Variants in PDE8B observed in about 807,000 individuals in gnomAD.
PDE8B encodes the protein phosphodiesterase 8B, also known as high affinity cAMP-specific and IBMX-insensitive 3',5'-cyclic phosphodiesterase 8B.
Under a neutral mutation model 101.3 loss-of-function variants are expected in PDE8B, and 26 were observed. The ratio of observed to expected loss-of-function variants is 0.26; its 90% CI spans 0.19 to 0.36. The LOEUF (loss-of-function observed/expected upper bound fraction) is 0.36. PDE8B is among the 10% of genes least tolerant of loss of function. The pLI is 1.00. For synonymous variants in PDE8B, 424 were observed against 429.3 expected (o/e 0.99, Z 0.15); for missense variants, 810 against 1,163.1 (o/e 0.70, Z 4.42).
chr5:77,118,458 T>C, the PDE8B span: 1 of 398,268 alleles, frequency 2.5e-6, no homozygotes, highest in Non-Finnish European at 4.4e-6. Flanking sequence ...GTACTCTGGG[T>C]GAGGAGGGAA....
intron 7 of PDE8B, among the ~76,000 whole-genome samples, chr5:77,348,464 C>T (rs559775662): frequency 9.2e-5 from 14 of 152,064 alleles, no homozygotes; most frequent in Non-Finnish European, 1.5e-4. Flanking sequence ...CAGAATCTGC[C>T]GAGGGGAGCT....
chr5:77,307,069 T>A (rs1173390769), intron 1 of PDE8B, among the ~76,000 whole-genome samples: 1 of 152,200 alleles, frequency 6.6e-6, no homozygotes, highest in African/African-American at 2.4e-5. Context: ...ATGTGATTGG[T>A]GCTTAGAGAT....
At chr5:77,198,776 A>T in the PDE8B span, among the ~76,000 whole-genome samples, 2 of 152,156 alleles carry the variant, frequency 1.3e-5, no homozygotes, top group Non-Finnish European at 2.9e-5. Flanking sequence ...TTTATTCATG[A>T]TCCTATCCAA....
intron 1 of PDE8B, among the ~76,000 whole-genome samples, chr5:77,292,469 TCAGA>T (rs1767579410): frequency 6.6e-6 from 1 of 152,180 alleles, no homozygotes; most frequent in East Asian, 1.9e-4. Context: ...CCAGAGTCAC[TCAGA>T]CAGTGTTCCT....
At chr5:77,223,500 A>G (rs1044180770) in intron 1 of PDE8B, among the ~76,000 whole-genome samples, 2 of 151,208 alleles carry the variant, frequency 1.3e-5, no homozygotes, top group Non-Finnish European at 2.9e-5. Context: ...CATAATGACC[A>G]CACAAGTAGC....
chr5:77,152,402 G>A, the PDE8B span, among the ~76,000 whole-genome samples: 2 of 152,190 alleles, frequency 1.3e-5, no homozygotes, highest in East Asian at 1.9e-4. Flanking sequence ...AGTGGGGTGC[G>A]CTGATTCTAT....
At chr5:77,418,030 C>G (rs946735636) in intron 17 of PDE8B, among the ~76,000 whole-genome samples, 199 bp from the exon 18 acceptor site, 1 of 152,144 alleles carries the variant, frequency 6.6e-6, no homozygotes, top group African/African-American at 2.4e-5. Context: ...CTCAGGTTGC[C>G]CTCCAGATAA....
chr5:77,363,637 A>AG (rs1025143464), intron 10 of PDE8B, among the ~76,000 whole-genome samples: 60 of 150,458 alleles, frequency 4.0e-4, no homozygotes, highest in African/African-American at 1.4e-3. Context: ...ACTTGAATCC[A>AG]GGAGGCGGAG....
At chr5:77,342,823 A>G (rs1024589545) in intron 6 of PDE8B, among the ~76,000 whole-genome samples, 3 of 152,190 alleles carry the variant, frequency 2.0e-5, no homozygotes, top group African/African-American at 7.2e-5. Context: ...CAGCAAGGGG[A>G]GTTCTGCTGG....
At chr5:77,311,136 C>A (rs975027855) in intron 1 of PDE8B, among the ~76,000 whole-genome samples, 2 of 139,116 alleles carry the variant, frequency 1.4e-5, no homozygotes, top group African/African-American at 2.5e-5. Flanking sequence ...TGACAAATGA[C>A]CACAGTCTCT....
At chr5:77,377,757 G>A (rs1334649912) in intron 10 of PDE8B, among the ~76,000 whole-genome samples, 1 of 152,158 alleles carries the variant, frequency 6.6e-6, no homozygotes, top group Admixed American at 6.5e-5. Context: ...TAAGCCAAGG[G>A]CTTGGATAGA....
intron 2 of PDE8B, among the ~76,000 whole-genome samples, chr5:77,320,756 C>A (rs1036263756): frequency 6.6e-6 from 1 of 152,120 alleles, no homozygotes; most frequent in Non-Finnish European, 1.5e-5. Flanking sequence ...TCAGTTATAA[C>A]ACCATTAGTA....
chr5:77,255,576 C>T (rs1283845639), intron 1 of PDE8B, among the ~76,000 whole-genome samples: 1 of 152,230 alleles, frequency 6.6e-6, no homozygotes, highest in Non-Finnish European at 1.5e-5. Context: ...TCCTCACCTC[C>T]CCAGCCCCGA....
At chr5:77,200,813 A>T in the PDE8B span, among the ~76,000 whole-genome samples, 1 of 152,136 alleles carries the variant, frequency 6.6e-6, no homozygotes, top group Non-Finnish European at 1.5e-5. Flanking sequence ...TACTGAATCT[A>T]TTTCTGTCTA....
At chr5:77,290,626 A>T (rs1767086984) in intron 1 of PDE8B, 2 of 1,512,452 alleles carry the variant, frequency 1.3e-6, no homozygotes, top group African/African-American at 2.7e-5. Context: ...GGTGAAGTTC[A>T]GGAGTATGTG....
the PDE8B span, among the ~76,000 whole-genome samples, chr5:77,122,568 AG>A: frequency 2.1e-3 from 313 of 152,308 alleles, no homozygotes; most frequent in African/African-American, 7.1e-3. Context: ...AGTGATGGTG[AG>A]GGGGGCAATC....
At chr5:77,320,690 G>C (rs1172711556) in intron 2 of PDE8B, among the ~76,000 whole-genome samples, 1 of 152,104 alleles carries the variant, frequency 6.6e-6, no homozygotes, top group Non-Finnish European at 1.5e-5. Flanking sequence ...GAATGTTGAG[G>C]ATATTATTTT....
rs1233581834 is a variant in PDE8B, at chr5:77,211,329, T to A, written c.339+65T>A. ...GCCCCGTCGGCGGGGCTCGCACGGG[T>A]AGGGGGCTCCGGCGGAGTTGGGTGA... On this transcript the variant is annotated intron_variant, in intron 1 of 21. Transcript: ENST00000264917. This position sits in a 1 kb window ranked among gnomAD's most constrained non-coding sequence, Gnocchi z 4.1. 1 of 1,454,454 alleles carries A rather than the reference T, an allele frequency of 6.9e-7. No individual in the cohort carries two copies. The highest frequency in any genetic ancestry group is 9.2e-7 in the Non-Finnish European group (1 of 1,091,476). 90.1% of individuals were successfully genotyped at this position (1,454,454 alleles called of 1,614,324 possible). A position where few individuals can be genotyped will look rare whatever the true frequency, so the allele number is the denominator to read the frequency against.
At chr5:77,155,609 G>C in the PDE8B span, among the ~76,000 whole-genome samples, 1 of 152,202 alleles carries the variant, frequency 6.6e-6, no homozygotes, top group Non-Finnish European at 1.5e-5. Context: ...ATGAATTCGT[G>C]TGAAGCGGTT....
Sources: allele counts gnomAD v4.1 joint callset (sites outside exome capture counted in the v4.1 genomes callset), GRCh38; gene constraint gnomAD v4.1.1; non-coding constraint Gnocchi (gnomAD v3.1); transcripts MANE v1.5; gene names NCBI Gene and HGNC (gene_info 2026-07-23, HGNC 2026-07-21).